The following FRMD5 variants were observed in gnomAD, a reference collection of about 807,000 sequenced individuals.
FRMD5 encodes FERM domain containing 5, also known as FERM domain-containing protein 5.
In FRMD5, 20 loss-of-function variants were observed where a neutral mutation model predicts 69.0. The ratio of observed to expected loss-of-function variants is 0.29; its 90% CI spans 0.20 to 0.42. FRMD5 has a LOEUF of 0.42. Ranked by LOEUF, FRMD5 falls within the 10% of genes least tolerant of loss-of-function variation. The probability of loss-of-function intolerance (pLI) is 1.00; values close to 1 mark genes in which losing one functional copy is unlikely to be tolerated. For synonymous variants in FRMD5, 271 were observed against 260.1 expected (o/e 1.04, Z -0.40); for missense variants, 595 against 708.6 (o/e 0.84, Z 1.82).
At chr15:43,882,368 T>C (rs967779904) in intron 13 of FRMD5, among the ~76,000 whole-genome samples, 19 of 151,192 alleles carry the variant, frequency 1.3e-4, no homozygotes, top group African/African-American at 4.4e-4. Flanking sequence ...ATTTCTTTCT[T>C]TTTTTTTTGA....
chr15:43,875,390 A>ATATATATATATATATATATATATG (rs1385798025), intron 13 of FRMD5, among the ~76,000 whole-genome samples: 9 of 124,812 alleles, frequency 7.2e-5, no homozygotes, highest in East Asian at 2.6e-4. Context: ...ATATATATAT[A>ATATATATATATATATATATATATG]TATGTATGTA....
intron 1 of FRMD5, among the ~76,000 whole-genome samples, chr15:43,979,719 A>AT (rs1228530348): frequency 6.6e-6 from 1 of 152,160 alleles, no homozygotes; most frequent in African/African-American, 2.4e-5. Context: ...TACTCTGAAT[A>AT]TTTTTATATA....
intron 1 of FRMD5, among the ~76,000 whole-genome samples, chr15:44,076,415 C>G (rs1473765834): frequency 6.8e-6 from 1 of 147,562 alleles, no homozygotes; most frequent in African/African-American, 2.5e-5. Context: ...AAATGTGGCA[C>G]ATATACACCA....
chr15:44,184,571 C>CA (rs1005543656), intron 1 of FRMD5, among the ~76,000 whole-genome samples: 10 of 152,092 alleles, frequency 6.6e-5, no homozygotes, highest in African/African-American at 2.4e-4. Flanking sequence ...AAGGTGTGAC[C>CA]ATCACACAAA....
chr15:43,903,388 G>C (rs2089094211), intron 6 of FRMD5, among the ~76,000 whole-genome samples: 1 of 152,234 alleles, frequency 6.6e-6, no homozygotes, highest in African/African-American at 2.4e-5. Flanking sequence ...TCCCTCTGGA[G>C]AGGCATTAGT....
At position 44,052,530 on chromosome 15, in the gene FRMD5, T is replaced by A. The variant is rs144438370; in HGVS notation, c.103-128221A>T. 2.6e-5 allele frequency among the ~76,000 whole-genome samples: 4 copies of A among 152,326 alleles called. 1 individual carries two copies. The East Asian group carries it at 7.7e-4, about 29-fold the overall frequency. ...GGGTACTATTGCTTCCACAGCCACT[T>A]CTTTTTACATAACATTTGTTTCCAT... On this transcript the variant is annotated intron_variant, in intron 1 of 13. Coordinates refer to ENST00000417257, the MANE Select transcript of FRMD5 (RefSeq NM_032892.5).
chr15:44,118,017 C>G (rs1042824880), intron 1 of FRMD5, among the ~76,000 whole-genome samples: 41 of 72,380 alleles, frequency 5.7e-4, no homozygotes, highest in Admixed American at 8.6e-4. Context: ...TTTTTTTTTG[C>G]CACTGTTCTT....
At chr15:44,042,713 T>G (rs1892255407) in intron 1 of FRMD5, among the ~76,000 whole-genome samples, 2 of 152,184 alleles carry the variant, frequency 1.3e-5, no homozygotes, top group Admixed American at 1.3e-4. Flanking sequence ...AAAAGGCCTT[T>G]GACGAAATTC....
intron 1 of FRMD5, among the ~76,000 whole-genome samples, chr15:44,112,816 C>T (rs989489292): frequency 4.0e-5 from 6 of 151,182 alleles, no homozygotes; most frequent in Middle Eastern, 3.4e-3. Context: ...AGGCTGGTCT[C>T]GAACTCCTGA....
At chr15:44,164,090 T>C (rs1015782985) in intron 1 of FRMD5, among the ~76,000 whole-genome samples, 2 of 152,000 alleles carry the variant, frequency 1.3e-5, no homozygotes, top group Admixed American at 1.3e-4. Flanking sequence ...CCTTCAATCC[T>C]CATCTGTTCT....
At chr15:44,080,928 T>C (rs746978787) in intron 1 of FRMD5, among the ~76,000 whole-genome samples, 17 of 152,112 alleles carry the variant, frequency 1.1e-4, no homozygotes, top group Non-Finnish European at 1.8e-4. Context: ...GACTAGGCCA[T>C]AATGCCTATA....
intron 7 of FRMD5, among the ~76,000 whole-genome samples, chr15:43,894,276 G>C (rs1193825036): frequency 6.6e-6 from 1 of 152,196 alleles, no homozygotes; most frequent in East Asian, 1.9e-4. Context: ...GAGGGAGGCA[G>C]CCTGCCTGTT....
At chr15:44,005,076 G>C (rs1409306697) in intron 1 of FRMD5, among the ~76,000 whole-genome samples, 1 of 152,212 alleles carries the variant, frequency 6.6e-6, no homozygotes, top group African/African-American at 2.4e-5. Context: ...TTCTGTGAAG[G>C]CTGAGAGAGA....
chr15:44,138,434 A>G (rs1422090422), intron 1 of FRMD5, among the ~76,000 whole-genome samples: 2 of 152,188 alleles, frequency 1.3e-5, no homozygotes, highest in Admixed American at 6.5e-5. Flanking sequence ...AAAAACAACA[A>G]TTAGACTGAC....
chr15:44,068,903 A>C (rs1007143508), intron 1 of FRMD5, among the ~76,000 whole-genome samples: 1 of 152,222 alleles, frequency 6.6e-6, no homozygotes, highest in Non-Finnish European at 1.5e-5. Context: ...TTGGGAAGGC[A>C]GGAAGGCAGA....
At chr15:44,066,457 G>A (rs186818948) in intron 1 of FRMD5, among the ~76,000 whole-genome samples, 1 of 152,212 alleles carries the variant, frequency 6.6e-6, no homozygotes, top group African/African-American at 2.4e-5. Flanking sequence ...GAGACTTCAA[G>A]GCATTTAAAT....
At chr15:43,935,634 G>C (rs116449567) in intron 1 of FRMD5, among the ~76,000 whole-genome samples, 2,438 of 152,238 alleles carry the variant, frequency 0.016, 74 homozygotes, top group African/African-American at 0.057. Context: ...AGCAAACAGA[G>C]GAGGCAAGTT....
At chr15:44,117,271 G>A (rs909198461) in intron 1 of FRMD5, among the ~76,000 whole-genome samples, 1 of 152,176 alleles carries the variant, frequency 6.6e-6, no homozygotes, top group African/African-American at 2.4e-5. Flanking sequence ...AGAATGAGTG[G>A]TAGAGAAAGG....
At chr15:43,916,761 C>A (rs193133865) in intron 4 of FRMD5, among the ~76,000 whole-genome samples, 1 of 151,242 alleles carries the variant, frequency 6.6e-6, no homozygotes, top group African/African-American at 2.4e-5. Context: ...GATAGTGACA[C>A]TGGATTTACA....
Sources: allele counts gnomAD v4.1 joint callset (sites outside exome capture counted in the v4.1 genomes callset), GRCh38; gene constraint gnomAD v4.1.1; transcripts MANE v1.5; gene names NCBI Gene and HGNC (gene_info 2026-07-23, HGNC 2026-07-21).